Variants in KCNK1 observed in about 807,000 individuals in gnomAD.
KCNK1 encodes the protein potassium two pore domain channel subfamily K member 1.
A neutral mutation model predicts 22.2 loss-of-function variants in KCNK1; 10 were observed. The observed-to-expected ratio is 0.45, with a 90% confidence interval of 0.28 to 0.76. The LOEUF is 0.76. Ranked by LOEUF, KCNK1 falls within the 30% of genes least tolerant of loss-of-function variation. The probability of loss-of-function intolerance (pLI) is 0.14; values close to 1 mark genes in which losing one functional copy is unlikely to be tolerated. For synonymous variants in KCNK1, 200 were observed against 186.4 expected (o/e 1.07, Z -0.60); for missense variants, 378 against 421.0 (o/e 0.90, Z 0.89).
At chr1:233,616,806 C>T (rs977590132) in intron 1 of KCNK1, among the ~76,000 whole-genome samples, 3 of 152,150 alleles carry the variant, frequency 2.0e-5, no homozygotes, top group Non-Finnish European at 2.9e-5. Flanking sequence ...CATAGGTGCC[C>T]TGGCCATGAA....
At chr1:233,632,879 A>G (rs1187370545) in intron 1 of KCNK1, among the ~76,000 whole-genome samples, 1 of 152,084 alleles carries the variant, frequency 6.6e-6, no homozygotes, top group East Asian at 1.9e-4. Context: ...TTTTTGGGGC[A>G]TCCCATCTCT....
chr1:233,638,875 G>A (rs1382503152), intron 1 of KCNK1, among the ~76,000 whole-genome samples: 13 of 152,228 alleles, frequency 8.5e-5, no homozygotes, highest in Non-Finnish European at 2.9e-5. Flanking sequence ...TGGCTCTGTG[G>A]GGTAGTGTGT....
At chr1:233,663,388 A>T (rs539409191) in intron 1 of KCNK1, among the ~76,000 whole-genome samples, 25 of 152,328 alleles carry the variant, frequency 1.6e-4, no homozygotes, top group African/African-American at 6.0e-4. Flanking sequence ...TTGCTTGGAG[A>T]TAACATTTTA....
At chr1:233,659,712 G>A (rs1489212148) in intron 1 of KCNK1, among the ~76,000 whole-genome samples, 1 of 151,946 alleles carries the variant, frequency 6.6e-6, no homozygotes, top group African/African-American at 2.4e-5. Context: ...CTAGGGGATG[G>A]GAGTTTTTCA....
intron 1 of KCNK1, among the ~76,000 whole-genome samples, chr1:233,622,571 A>G (rs781132273): frequency 1.3e-4 from 20 of 151,992 alleles, no homozygotes; most frequent in Admixed American, 3.9e-4. Flanking sequence ...TTTTTGTTCA[A>G]TCCCCAAAGT....
At chr1:233,635,404 A>G (rs574267128) in intron 1 of KCNK1, among the ~76,000 whole-genome samples, 1 of 152,202 alleles carries the variant, frequency 6.6e-6, no homozygotes, top group Non-Finnish European at 1.5e-5. Flanking sequence ...GTCTTTGTCT[A>G]AAGGCAACCT....
rs142022167 is a variant in KCNK1 at position 233,641,137 on chromosome 1, G to A, written c.356-25458G>A. Reference sequence around the variant, plus strand: ...AAATAAATGGAAGCACAAACAAGCCGGAAGACTTTCTATGTAGGACACTCT... The same window carrying A: ...AAATAAATGGAAGCACAAACAAGCCAGAAGACTTTCTATGTAGGACACTCT... On this transcript the variant is annotated intron_variant, in intron 1 of 2. Coordinates refer to ENST00000366621, the MANE Select transcript of KCNK1 (RefSeq NM_002245.4). Among the ~76,000 whole-genome samples, 14 of 152,286 alleles carry A rather than the reference G, an allele frequency of 9.2e-5. No individual in the cohort carries two copies. In the East Asian group the frequency reaches 1.9e-3, roughly 21 times the overall value.
At chr1:233,644,732 C>A (rs1235293227) in intron 1 of KCNK1, among the ~76,000 whole-genome samples, 2 of 152,104 alleles carry the variant, frequency 1.3e-5, no homozygotes, top group East Asian at 3.9e-4. Context: ...GAAGAGTAGA[C>A]AGAAGGCCCT....
In KCNK1 at chr1:233,614,370, C is replaced by G. The variant is rs1456865505; in HGVS notation, c.199C>G (p.His67Asp). The G allele has an allele frequency of 1.2e-6, 2 of 1,610,766 alleles. No individual in the cohort carries two copies. The highest frequency in any genetic ancestry group is 1.7e-6 in the Non-Finnish European group (2 of 1,178,652). The stretch of plus-strand genomic sequence containing the variant: ...GCTGAAGCGACGCTTCTTGGAGGAG[C>G]ACGAGTGCCTGTCTGAGCAGCAGCT... ...RKLKRRFLEE[H>D]ECLSEQQLEQ... is the part of the protein sequence containing the mutation. Residue 67 changes from histidine to aspartate, a missense_variant, in exon 1 of 3, where the codon CAC becomes GAC. Physicochemically the swap from His to Asp is moderately conservative, Grantham distance 81 (BLOSUM62 -1). Coordinates refer to ENST00000366621, the MANE Select transcript of KCNK1 (RefSeq NM_002245.4).
At chr1:233,648,649 C>G (rs1324349383) in intron 1 of KCNK1, among the ~76,000 whole-genome samples, 3 of 152,006 alleles carry the variant, frequency 2.0e-5, no homozygotes, top group Non-Finnish European at 4.4e-5. Flanking sequence ...ACTGGGCAAC[C>G]TCCACCTCCT....
At chr1:233,636,371 A>G (rs1326460349) in intron 1 of KCNK1, among the ~76,000 whole-genome samples, 1 of 152,206 alleles carries the variant, frequency 6.6e-6, no homozygotes, top group Non-Finnish European at 1.5e-5. Flanking sequence ...CTTGGGCTAC[A>G]GCAGGAGAGT....
intron 1 of KCNK1, 28 bp downstream of exon 1, chr1:233,614,554 G>T: frequency 1.3e-6 from 2 of 1,509,610 alleles, no homozygotes; most frequent in Non-Finnish European, 1.8e-6. Context: ...CCCCCTGGCC[G>T]CCCCGGCCAC....
chr1:233,625,941 C>T (rs565083781), intron 1 of KCNK1, among the ~76,000 whole-genome samples: 1 of 152,026 alleles, frequency 6.6e-6, no homozygotes, highest in Non-Finnish European at 1.5e-5. Flanking sequence ...GTAGGATGTC[C>T]TAGGCCACTG....
intron 1 of KCNK1, among the ~76,000 whole-genome samples, chr1:233,659,303 G>A (rs1426603072): frequency 6.6e-6 from 1 of 151,096 alleles, no homozygotes; most frequent in Non-Finnish European, 1.5e-5. Flanking sequence ...CCCACTGGAA[G>A]GTCTTCAGGG....
At chr1:233,668,376 C>T (rs1392672469) in intron 2 of KCNK1, among the ~76,000 whole-genome samples, 5 of 152,206 alleles carry the variant, frequency 3.3e-5, no homozygotes, top group African/African-American at 9.7e-5. Context: ...ACAGACGTTA[C>T]TCATAAATCC....
chr1:233,655,250 T>C (rs1177639425), intron 1 of KCNK1, among the ~76,000 whole-genome samples: 2 of 152,246 alleles, frequency 1.3e-5, no homozygotes, highest in African/African-American at 4.8e-5. Flanking sequence ...TGGAAATGTC[T>C]ATTCTATGCC....
chr1:233,635,049 C>T (rs980040499), intron 1 of KCNK1, among the ~76,000 whole-genome samples: 15 of 152,308 alleles, frequency 9.8e-5, no homozygotes, highest in East Asian at 1.9e-4. Context: ...ACCTATGGAC[C>T]GCTTAGGCCA....
intron 1 of KCNK1, among the ~76,000 whole-genome samples, chr1:233,661,221 C>A (rs1002968882): frequency 6.6e-6 from 1 of 152,114 alleles, no homozygotes; most frequent in African/African-American, 2.4e-5. Context: ...TCTTTCACTG[C>A]GCTGCCATTT....
At chr1:233,657,191 A>G (rs1252635258) in intron 1 of KCNK1, among the ~76,000 whole-genome samples, 1 of 152,142 alleles carries the variant, frequency 6.6e-6, no homozygotes, top group Non-Finnish European at 1.5e-5. Flanking sequence ...AGGGGGACAA[A>G]TCCACCTTTT....
Sources: gnomAD v4.1 joint callset for allele counts (sites outside exome capture counted in the v4.1 genomes callset) on GRCh38, gnomAD v4.1.1 for gene constraint, MANE v1.5 for transcripts, NCBI Gene and HGNC (gene_info 2026-07-23, HGNC 2026-07-21) for gene names.